The following ATRNL1 variants were observed in gnomAD, a reference collection of about 807,000 sequenced individuals.
The protein encoded by ATRNL1 is attractin like 1.
A neutral mutation model predicts 182.7 loss-of-function variants in ATRNL1; 95 were observed. The ratio of observed to expected loss-of-function variants is 0.52; its 90% CI spans 0.44 to 0.62. The LOEUF (loss-of-function observed/expected upper bound fraction) is 0.62, where lower values mean the gene tolerates loss of function less well. ATRNL1 is among the 20% of genes least tolerant of loss of function. The pLI is 0.00. For missense variants in ATRNL1, 1,471 were observed against 1,679.5 expected (o/e 0.88, Z 2.17); for synonymous variants, 576 against 568.3 (o/e 1.01, Z -0.19).
intron 26 of ATRNL1, among the ~76,000 whole-genome samples, chr10:115,696,092 G>T (rs1946549478): frequency 6.6e-6 from 1 of 152,054 alleles, no homozygotes; most frequent in Admixed American, 6.6e-5. Context: ...TAGAGACGGG[G>T]TTTCACCATG....
intron 13 of ATRNL1, among the ~76,000 whole-genome samples, chr10:115,272,650 G>A (rs537809868): frequency 6.6e-4 from 101 of 152,270 alleles, no homozygotes; most frequent in Admixed American, 1.9e-3. Context: ...CTGGCTGTGA[G>A]AGAAAAAGCA....
At chr10:115,333,643 C>G (rs1359615600) in intron 18 of ATRNL1, among the ~76,000 whole-genome samples, 2 of 151,952 alleles carry the variant, frequency 1.3e-5, no homozygotes, top group Non-Finnish European at 2.9e-5. Context: ...CACCACCATG[C>G]CCAGCTAATT....
At chr10:115,440,272 A>G (rs769745975) in intron 21 of ATRNL1, among the ~76,000 whole-genome samples, 28 of 151,982 alleles carry the variant, frequency 1.8e-4, no homozygotes, top group South Asian at 1.0e-3. Flanking sequence ...CCAAGATGCC[A>G]TGGTTTCTTA....
rs1564837963 is a variant in ATRNL1, at chr10:115,230,912, AG to A, written c.1533-10658del. ...GAGAGAGAGAGAGAGAGAGAGAGAG[AG>A]AGAGAGAGAAAGAGAGAAATAGTGA... On this transcript the variant is annotated intron_variant, in intron 9 of 28. Coordinates refer to ENST00000355044, the MANE Select transcript of ATRNL1 (RefSeq NM_207303.4). Among the ~76,000 whole-genome samples the A allele has an allele frequency of 1.4e-3, 200 of 139,988 alleles. 1 individual carries two copies. Among genetic ancestry groups the A allele is most frequent in the African/African-American group, 5.4e-3 (176 of 32,666 alleles). 91.8% of individuals were successfully genotyped at this position (139,988 alleles called of 152,430 possible). A position where few individuals can be genotyped will look rare whatever the true frequency, so the allele number is the denominator to read the frequency against.
intron 28 of ATRNL1, among the ~76,000 whole-genome samples, chr10:115,874,549 C>T (rs913195707): frequency 7.2e-5 from 11 of 152,142 alleles, no homozygotes; most frequent in African/African-American, 2.4e-4. Context: ...TTTAGATAAT[C>T]ACTTCTCTGA....
intron 8 of ATRNL1, among the ~76,000 whole-genome samples, chr10:115,194,705 C>T (rs146158172): frequency 2.0e-3 from 304 of 151,688 alleles, no homozygotes; most frequent in African/African-American, 6.9e-3. Flanking sequence ...ATTATTGATT[C>T]GTAAGAACTT....
Position 115,748,953 on chromosome 10 carries a change from T to G in ATRNL1, c.3903+21598T>G, listed in dbSNP as rs1055158450. ...ATAATATATTTATAATGATTCACAG[T>G]AACAATGAAATGTATAAGACATTTT... On this transcript the variant is annotated intron_variant, in intron 27 of 28. Transcript: ENST00000355044. Among the ~76,000 whole-genome samples the G allele has an allele frequency of 1.1e-3, 165 of 151,972 alleles. 3 individuals are homozygous for G. The highest frequency in any genetic ancestry group is 2.8e-4 in the Non-Finnish European group (19 of 67,916).
In ATRNL1 at chr10:115,151,369, T is replaced by A. The variant is rs1295480183; in HGVS notation, c.830-8671T>A. ...TAAAAGCATTCCTATTTCTCCACAT[T>A]CTCTCCAGCACCTGTTGTTTCCTGA... On this transcript the variant is annotated intron_variant, in intron 5 of 28. Transcript: ENST00000355044. Among the ~76,000 whole-genome samples, 3 of 152,162 alleles carry A rather than the reference T, an allele frequency of 2.0e-5. No homozygotes were observed. In the East Asian group the frequency reaches 5.8e-4, roughly 29 times the overall value.
intron 27 of ATRNL1, among the ~76,000 whole-genome samples, chr10:115,799,255 T>C (rs1257064403): frequency 6.6e-6 from 1 of 152,200 alleles, no homozygotes; most frequent in East Asian, 1.9e-4. Context: ...ATATTATTAA[T>C]TGTAATGGTA....
At chr10:115,548,225 A>G (rs1020599381) in intron 25 of ATRNL1, among the ~76,000 whole-genome samples, 1 of 152,248 alleles carries the variant, frequency 6.6e-6, no homozygotes, top group Non-Finnish European at 1.5e-5. Context: ...CCAATCATCG[A>G]TGTGACGTAC....
At chr10:115,188,651 T>G (rs1424879905) in intron 8 of ATRNL1, among the ~76,000 whole-genome samples, 8 of 152,146 alleles carry the variant, frequency 5.3e-5, no homozygotes, top group East Asian at 1.9e-4. Flanking sequence ...CCTTTTGATC[T>G]AAAAATCATT....
chr10:115,868,222 C>T (rs936147215), intron 28 of ATRNL1, among the ~76,000 whole-genome samples: 1 of 152,172 alleles, frequency 6.6e-6, no homozygotes, highest in African/African-American at 2.4e-5. Flanking sequence ...CTTATTCTAG[C>T]TCCTTTGCCT....
At position 115,585,849 on chromosome 10, in the gene ATRNL1, C is replaced by T. The variant is rs1387550135; in HGVS notation, c.3795+36313C>T. Among the ~76,000 whole-genome samples, 30 of 55,894 alleles carry T rather than the reference C, an allele frequency of 5.4e-4. 4 individuals carry two copies. The highest frequency in any genetic ancestry group is 9.8e-4 in the Non-Finnish European group (25 of 25,626). The allele number at this position is 55,894 out of a possible 152,430, so 36.7% of individuals were successfully genotyped here. Reference sequence around the variant, plus strand: ...AGTTGATGCAGTTTCTTCCTAGTCTCGATGGTCTTTACATTTTGGCATGAT... The same window carrying T: ...AGTTGATGCAGTTTCTTCCTAGTCTTGATGGTCTTTACATTTTGGCATGAT... On this transcript the variant is annotated intron_variant, in intron 26 of 28. Coordinates refer to ENST00000355044, the MANE Select transcript of ATRNL1 (RefSeq NM_207303.4).
intron 24 of ATRNL1, among the ~76,000 whole-genome samples, chr10:115,480,164 T>TA (rs1848700060): frequency 6.6e-6 from 1 of 150,808 alleles, no homozygotes; most frequent in Non-Finnish European, 1.5e-5. Flanking sequence ...TATACAATTT[T>TA]ATCACAAATA....
intron 28 of ATRNL1, among the ~76,000 whole-genome samples, chr10:115,894,981 T>A (rs1555112151): frequency 6.6e-6 from 1 of 152,246 alleles, no homozygotes; most frequent in Non-Finnish European, 1.5e-5. Context: ...CTAGTTTACT[T>A]GTTTTCTTAA....
chr10:115,203,374 C>G (rs1410547688), intron 8 of ATRNL1, among the ~76,000 whole-genome samples: 3 of 152,020 alleles, frequency 2.0e-5, no homozygotes, highest in African/African-American at 7.2e-5. Flanking sequence ...AAAACAGACC[C>G]TATGTCAGGT....
intron 8 of ATRNL1, among the ~76,000 whole-genome samples, chr10:115,206,029 T>A (rs1047640943): frequency 6.6e-6 from 1 of 152,082 alleles, no homozygotes; most frequent in Non-Finnish European, 1.5e-5. Context: ...ATTATCTTAG[T>A]TTTTCTGCAT....
chr10:115,485,977 T>C (rs974141129), intron 24 of ATRNL1, among the ~76,000 whole-genome samples: 1 of 146,968 alleles, frequency 6.8e-6, no homozygotes, highest in African/African-American at 2.5e-5. Flanking sequence ...CTCCCACTTA[T>C]GAGTGAGAAC....
At chr10:115,739,633 T>A (rs1352964434) in intron 27 of ATRNL1, among the ~76,000 whole-genome samples, 1 of 152,322 alleles carries the variant, frequency 6.6e-6, no homozygotes, top group East Asian at 1.9e-4. Flanking sequence ...ATGATTGTGT[T>A]TAAAACATTA....
Sources: allele counts gnomAD v4.1 joint callset (sites outside exome capture counted in the v4.1 genomes callset), GRCh38; gene constraint gnomAD v4.1.1; transcripts MANE v1.5; gene names NCBI Gene and HGNC (gene_info 2026-07-23, HGNC 2026-07-21).